Variants in AKAP6 observed in about 807,000 individuals in gnomAD.
AKAP6 encodes A-kinase anchoring protein 6, also known as A-kinase anchor protein 6.
In AKAP6, 58 loss-of-function variants were observed where a neutral mutation model predicts 188.5. That is an observed-to-expected ratio of 0.31 (90% CI 0.25 to 0.38). The LOEUF (loss-of-function observed/expected upper bound fraction) is 0.38, where lower values mean the gene tolerates loss of function less well. Among genes scored for constraint, AKAP6 ranks in the 10% least tolerant of loss-of-function variants. The pLI, the probability that AKAP6 is intolerant of heterozygous loss-of-function variation, is 1.00. For synonymous variants in AKAP6, 989 were observed against 998.6 expected, an observed-to-expected ratio of 0.99 and a Z score of 0.18; for missense variants, 2,710 against 2,740.0, an observed-to-expected ratio of 0.99 and a Z score of 0.24.
intron 7 of AKAP6, among the ~76,000 whole-genome samples, chr14:32,636,648 C>G (rs1422130627): frequency 6.6e-6 from 1 of 151,936 alleles, no homozygotes; most frequent in African/African-American, 2.4e-5. Context: ...AAAGGGTGTG[C>G]TGGAATCAAA....
chr14:32,382,238 T>C (rs957959217), intron 1 of AKAP6, among the ~76,000 whole-genome samples: 1 of 152,082 alleles, frequency 6.6e-6, no homozygotes, highest in African/African-American at 2.4e-5. Flanking sequence ...AATTTGTCTC[T>C]GGAATTCTGC....
At chr14:32,511,088 A>G (rs531272793) in intron 2 of AKAP6, among the ~76,000 whole-genome samples, 2 of 152,330 alleles carry the variant, frequency 1.3e-5, no homozygotes, top group South Asian at 2.1e-4. Context: ...TGAATGGACA[A>G]GCAACACGGA....
intron 1 of AKAP6, among the ~76,000 whole-genome samples, chr14:32,361,071 T>TA (rs1213844124): frequency 5.4e-5 from 8 of 149,158 alleles, no homozygotes; most frequent in African/African-American, 7.4e-5. Flanking sequence ...TATATATATA[T>TA]TTGAGAAGCT....
intron 1 of AKAP6, among the ~76,000 whole-genome samples, chr14:32,407,025 A>G (rs941284363): frequency 6.6e-6 from 1 of 152,176 alleles, no homozygotes; most frequent in Non-Finnish European, 1.5e-5. Flanking sequence ...GGATCATTTT[A>G]TACCATACTT....
chr14:32,785,167 A>T (rs546552850), intron 12 of AKAP6, among the ~76,000 whole-genome samples: 11 of 152,090 alleles, frequency 7.2e-5, no homozygotes, highest in Non-Finnish European at 1.3e-4. Flanking sequence ...TTTTTTCTCT[A>T]TTGCATGTCC....
intron 1 of AKAP6, among the ~76,000 whole-genome samples, chr14:32,398,085 A>G (rs887456111): frequency 7.2e-5 from 11 of 152,232 alleles, no homozygotes; most frequent in Non-Finnish European, 1.0e-4. Flanking sequence ...TAAATAAACT[A>G]TCACTCTGTA....
At chr14:32,380,118 T>C (rs1888301975) in intron 1 of AKAP6, among the ~76,000 whole-genome samples, 1 of 152,230 alleles carries the variant, frequency 6.6e-6, no homozygotes. Context: ...TCTAAAGACT[T>C]TTACTATCTG....
chr14:32,535,631 G>C lies in AKAP6; in HGVS notation c.402G>C (p.Leu134=). The part of the protein sequence containing the change: ...LLETEFSLKL[L]SYSVNVIVDI... Reference sequence around the variant, plus strand: ...AAACAGAGTTCTCCCTAAAGCTGCTGTCTTACTCTGTCAACGTGATAGTGG... The same window carrying C: ...AAACAGAGTTCTCCCTAAAGCTGCTCTCTTACTCTGTCAACGTGATAGTGG... The change falls in exon 3 of 14, where the codon CTG becomes CTC. Residue 134 remains leucine, a synonymous_variant. Coordinates refer to ENST00000280979, the MANE Select transcript of AKAP6 (RefSeq NM_004274.5). 3 of 1,614,224 alleles carry C rather than the reference G, an allele frequency of 1.9e-6. No homozygotes were observed. The highest frequency in any genetic ancestry group is 2.5e-6 in the Non-Finnish European group (3 of 1,180,024).
chr14:32,378,161 C>T (rs1352480460), intron 1 of AKAP6, among the ~76,000 whole-genome samples: 1 of 146,700 alleles, frequency 6.8e-6, no homozygotes, highest in Non-Finnish European at 1.5e-5. Flanking sequence ...CATGGTATGA[C>T]AAAACCTAAT....
At position 32,533,052 on chromosome 14, in the gene AKAP6, G is replaced by A. The variant is rs544112054; in HGVS notation, c.325-2502G>A. 2.0e-5 allele frequency among the ~76,000 whole-genome samples: 3 copies of A among 152,320 alleles called. No individual in the cohort carries two copies. In the South Asian group the frequency reaches 6.2e-4, roughly 32 times the overall value. The stretch of plus-strand genomic sequence containing the variant: ...GATAGTGAAGTCCACAGTAGAGCTA[G>A]GGTAGAGACTTGTCCCAGTGGAATG... On this transcript the variant is annotated intron_variant, in intron 2 of 13. Coordinates refer to ENST00000280979, the MANE Select transcript of AKAP6 (RefSeq NM_004274.5).
intron 9 of AKAP6, among the ~76,000 whole-genome samples, chr14:32,728,444 G>A (rs1382412820): frequency 6.6e-6 from 1 of 151,596 alleles, no homozygotes; most frequent in Non-Finnish European, 1.5e-5. Context: ...GGATCTTGCT[G>A]GATAAACAGG....
chr14:32,750,424 T>C (rs1049358215), intron 11 of AKAP6, among the ~76,000 whole-genome samples: 1 of 152,152 alleles, frequency 6.6e-6, no homozygotes, highest in African/African-American at 2.4e-5. Context: ...ATTTGCATTA[T>C]ATTGAAAGTA....
At chr14:32,815,895 G>A (rs1222984630) in intron 12 of AKAP6, among the ~76,000 whole-genome samples, 1 of 152,158 alleles carries the variant, frequency 6.6e-6, no homozygotes, top group Admixed American at 6.5e-5. Flanking sequence ...TGATGGAACT[G>A]AGGCATATAG....
intron 9 of AKAP6, among the ~76,000 whole-genome samples, chr14:32,710,829 A>G (rs997971393): frequency 3.9e-5 from 6 of 152,104 alleles, no homozygotes; most frequent in African/African-American, 1.4e-4. Flanking sequence ...AAGATAAAAC[A>G]GAATCGGGGC....
intron 2 of AKAP6, among the ~76,000 whole-genome samples, chr14:32,494,646 G>A (rs984625362): frequency 2.0e-5 from 3 of 152,030 alleles, no homozygotes; most frequent in Admixed American, 6.6e-5. Flanking sequence ...GGACTTCCTG[G>A]GGAATGATGC....
At chr14:32,427,865 T>G (rs1042375934) in intron 1 of AKAP6, among the ~76,000 whole-genome samples, 2 of 152,224 alleles carry the variant, frequency 1.3e-5, no homozygotes. Flanking sequence ...TCTACCTCTG[T>G]TCTGTAATAA....
chr14:32,667,077 C>T (rs934921292), intron 7 of AKAP6, among the ~76,000 whole-genome samples: 2 of 152,006 alleles, frequency 1.3e-5, no homozygotes, highest in African/African-American at 2.4e-5. Context: ...AGAAATATAG[C>T]AGCTTCTATA....
intron 2 of AKAP6, among the ~76,000 whole-genome samples, chr14:32,452,895 A>G (rs574819119): frequency 6.6e-6 from 1 of 152,212 alleles, no homozygotes; most frequent in African/African-American, 2.4e-5. Context: ...AAATTAAATA[A>G]TACATGTAAA....
intron 7 of AKAP6, among the ~76,000 whole-genome samples, chr14:32,650,262 A>G (rs1888153137): frequency 6.6e-6 from 1 of 152,202 alleles, no homozygotes; most frequent in African/African-American, 2.4e-5. Flanking sequence ...CAAGAAGCCC[A>G]ACATAACGCA....
Sources: gnomAD v4.1 joint callset for allele counts (sites outside exome capture counted in the v4.1 genomes callset) on GRCh38, gnomAD v4.1.1 for gene constraint, MANE v1.5 for transcripts, NCBI Gene and HGNC (gene_info 2026-07-23, HGNC 2026-07-21) for gene names.